The following ASB13 variants were observed in gnomAD, a reference collection of about 807,000 sequenced individuals.
ASB13 encodes the protein ankyrin repeat and SOCS box containing 13, also known as ankyrin repeat and SOCS box protein 13.
ASB13 carries 33 observed loss-of-function variants against 28.8 expected under a neutral mutation model. The observed-to-expected ratio is 1.15, with a 90% CI of 0.87 to 1.53. The LOEUF is 1.53. Ranked by LOEUF, ASB13 falls within the 40% of genes most tolerant of loss-of-function variation. The pLI is 0.00. For synonymous variants in ASB13, 182 were observed against 172.9 expected (o/e 1.05, Z -0.41); for missense variants, 414 against 390.1 (o/e 1.06, Z -0.52).
chr10:5,648,163 T>TAAACACC (rs1834915980), intron 4 of ASB13, among the ~76,000 whole-genome samples: 1 of 148,868 alleles, frequency 6.7e-6, no homozygotes, highest in Non-Finnish European at 1.5e-5. Flanking sequence ...GGGTAAACAC[T>TAAACACC]CACGGGGGTA....
chr10:5,662,919 G>A (rs541133754), intron 1 of ASB13, among the ~76,000 whole-genome samples: 2 of 152,224 alleles, frequency 1.3e-5, no homozygotes, highest in African/African-American at 4.8e-5. Flanking sequence ...CAGTTTTAGT[G>A]TCCTTGAAAC....
rs184820126 is a variant in ASB13 at position 5,656,287 on chromosome 10, C to T, written c.44-3237G>A. Among the ~76,000 whole-genome samples the T allele has an allele frequency of 3.8e-3, 573 of 152,324 alleles. 1 individual carries two copies. The highest frequency in any genetic ancestry group is 6.6e-3 in the Non-Finnish European group (448 of 68,026). ...GGTCAAGGTGGTTCAAGCCTGTAAT[C>T]CCAGCACTTTGGGAGGCCAAGGCGG... is the stretch of plus-strand genomic sequence containing the variant. On this transcript the variant is annotated intron_variant, in intron 1 of 5. Coordinates refer to ENST00000357700, the MANE Select transcript of ASB13 (RefSeq NM_024701.4). This position sits in a 1 kb window ranked among gnomAD's most constrained non-coding sequence, Gnocchi z 4.3.
rs376181226 is a variant in ASB13, at chr10:5,658,735, GA to G, written c.44-5686del. Among the ~76,000 whole-genome samples the G allele has an allele frequency of 0.015, 2,307 of 151,580 alleles. 46 individuals are homozygous for G. Among genetic ancestry groups the G allele is most frequent in the African/African-American group, 0.05 (2,082 of 41,310 alleles). ...GTGCTCTCTACTACAATTAAAAATA[GA>G]AAAAAAAAATTTTTAAGTAACCAGA... On this transcript the variant is annotated intron_variant, in intron 1 of 5. Transcript: ENST00000357700. This position sits in a 1 kb window ranked among gnomAD's most constrained non-coding sequence, Gnocchi z 4.2.
rs370404609 is a variant in ASB13, at chr10:5,642,001, G to T, written c.518-40C>A. 2.9e-4 allele frequency: 465 copies of T among 1,577,616 alleles called. No individual in the cohort carries two copies. The highest frequency in any genetic ancestry group is 3.8e-4 in the Non-Finnish European group (436 of 1,151,882). On this transcript the variant is annotated intron_variant, in intron 4 of 5. Coordinates refer to ENST00000357700, the MANE Select transcript of ASB13 (RefSeq NM_024701.4). The surrounding 1 kb of genome is among the most constrained non-coding windows in gnomAD (Gnocchi z 4.1). The stretch of plus-strand genomic sequence containing the variant: ...TGCAGAAGAGATTTCACCAAGAAGA[G>T]AACTTGAAGTCAGGGGGACAATCAG...
Position 5,658,977 on chromosome 10 carries a change from C to A in ASB13, c.44-5927G>T, listed in dbSNP as rs1390761266. ...CATCAGCCCCCAGCACCCACCACCA[C>A]AGAGCAATGTGACTCAGCCCTGCAA... On this transcript the variant is annotated intron_variant, in intron 1 of 5. Transcript: ENST00000357700. This position sits in a 1 kb window ranked among gnomAD's most constrained non-coding sequence, Gnocchi z 4.2. Among the ~76,000 whole-genome samples the A allele has an allele frequency of 6.6e-6, 1 of 152,210 alleles. No individual in the cohort carries two copies. The highest frequency in any genetic ancestry group is 1.5e-5 in the Non-Finnish European group (1 of 68,028).
At position 5,645,122 on chromosome 10, in the gene ASB13, G is replaced by T. The variant is rs533926464; in HGVS notation, c.518-3161C>A. Among the ~76,000 whole-genome samples, 3 of 152,126 alleles carry T rather than the reference G, an allele frequency of 2.0e-5. No homozygotes were observed. In the South Asian group the frequency reaches 6.2e-4, roughly 32 times the overall value. On this transcript the variant is annotated intron_variant, in intron 4 of 5. Coordinates refer to ENST00000357700, the MANE Select transcript of ASB13 (RefSeq NM_024701.4). This position sits in a 1 kb window ranked among gnomAD's most constrained non-coding sequence, Gnocchi z 5.4. ...AAAATAGGATTAAAGTGGATTCAGA[G>T]AACCCGTGGCCAGTGACGTGACGGG... is the stretch of plus-strand genomic sequence containing the variant.
At position 5,640,818 on chromosome 10, in the gene ASB13, G is replaced by C; in HGVS notation, c.722C>G (p.Thr241Ser). The C allele has an allele frequency of 2.5e-6, 4 of 1,614,116 alleles. No individual in the cohort carries two copies. The highest frequency in any genetic ancestry group is 1.1e-5 in the South Asian group (1 of 91,082). Residue 241 changes from threonine to serine, a missense_variant, in exon 6 of 6, where the codon ACT (threonine) becomes AGT (serine). By Grantham distance (58) the Thr-to-Ser change is moderately conservative. Coordinates refer to ENST00000357700, the MANE Select transcript of ASB13 (RefSeq NM_024701.4). ...GTTCACCCTGCAGAGCTGTGACAGA[G>C]TCAGAGGTGTCTCTGAAAAAGGGAG... The part of the protein sequence containing the change: ...CFEYYEKTPL[T>S]LSQLCRVNLR...
At chr10:5,648,376 A>T (rs1332334006) in intron 4 of ASB13, among the ~76,000 whole-genome samples, 1 of 115,708 alleles carries the variant, frequency 8.6e-6, no homozygotes, top group Non-Finnish European at 2.0e-5. Flanking sequence ...ACACCCATGC[A>T]GGCAAACACC....
intron 1 of ASB13, among the ~76,000 whole-genome samples, chr10:5,653,466 G>A (rs1207920317): frequency 6.6e-6 from 1 of 152,148 alleles, no homozygotes; most frequent in Non-Finnish European, 1.5e-5. Flanking sequence ...ACTTCTCTGG[G>A]AAACACTTCC....
rs1439685519 is a variant in ASB13 at position 5,661,003 on chromosome 10, G to C, written c.43+5506C>G. Reference sequence around the variant, plus strand: ...CCAGGATGTGAGTATTTAGACCAGGGAAAGCAGCAAAGCAGACTTTTATTT... The same window carrying C: ...CCAGGATGTGAGTATTTAGACCAGGCAAAGCAGCAAAGCAGACTTTTATTT... On this transcript the variant is annotated intron_variant, in intron 1 of 5. Coordinates refer to ENST00000357700, the MANE Select transcript of ASB13 (RefSeq NM_024701.4). This position sits in a 1 kb window ranked among gnomAD's most constrained non-coding sequence, Gnocchi z 4.9. Among the ~76,000 whole-genome samples, 1 of 152,216 alleles carries C rather than the reference G, an allele frequency of 6.6e-6. No individual in the cohort carries two copies. Among genetic ancestry groups the C allele is most frequent in the African/African-American group, 2.4e-5 (1 of 41,456 alleles).
rs1033689377 is a variant in ASB13 at position 5,658,451 on chromosome 10, C to A, written c.44-5401G>T. ...AAAAAAAAAAACAAAACCAAATAAG[C>A]CATTTCTGAAAAGCCAAATACTGTA... is the stretch of plus-strand genomic sequence containing the variant. On this transcript the variant is annotated intron_variant, in intron 1 of 5. Transcript: ENST00000357700. This position sits in a 1 kb window ranked among gnomAD's most constrained non-coding sequence, Gnocchi z 4.2. Among the ~76,000 whole-genome samples, 5 of 151,428 alleles carry A rather than the reference C, an allele frequency of 3.3e-5. No homozygotes were observed. In the East Asian group the frequency reaches 9.8e-4, roughly 30 times the overall value.
chr10:5,648,338 C>A lies in ASB13; in HGVS notation c.517+632G>T, dbSNP rs577727992. Among the ~76,000 whole-genome samples the A allele has an allele frequency of 4.2e-4, 56 of 131,810 alleles. 3 individuals carry two copies. Among genetic ancestry groups the A allele is most frequent in the African/African-American group, 1.4e-3 (55 of 39,464 alleles). 86.5% of individuals were successfully genotyped at this position (131,810 alleles called of 152,430 possible). A position where few individuals can be genotyped will look rare whatever the true frequency, so the allele number is the denominator to read the frequency against. ...AGGCAAACACCCCCTCGGGTAAACA[C>A]CCACGTGGGCAACACCCACGGGGGT... On this transcript the variant is annotated intron_variant, in intron 4 of 5. Coordinates refer to ENST00000357700, the MANE Select transcript of ASB13 (RefSeq NM_024701.4).
chr10:5,651,300 C>T lies in ASB13; in HGVS notation c.295G>A (p.Glu99Lys), dbSNP rs149846489. 4.0e-5 allele frequency: 65 copies of T among 1,613,838 alleles called. No homozygotes were observed. Among genetic ancestry groups the T allele is most frequent in the Non-Finnish European group, 4.9e-5 (58 of 1,179,968 alleles). Residue 99 changes from glutamate to lysine, a missense_variant, in exon 3 of 6, where the codon GAG (glutamate) becomes AAG (lysine). Physicochemically the swap from Glu to Lys is moderately conservative, Grantham distance 56. Transcript: ENST00000357700. The surrounding 1 kb of genome is among the most constrained non-coding windows in gnomAD (Gnocchi z 5.1). ...TAGGACAGCAAGAGCTTCACACACT[C>T]GATGCTGCCCGAGGCGCAGGCATCG... ...LCDACASGSI[E>K]CVKLLLSYGA...
chr10:5,661,312 C>T lies in ASB13; in HGVS notation c.43+5197G>A, dbSNP rs189300632. On this transcript the variant is annotated intron_variant, in intron 1 of 5. Coordinates refer to ENST00000357700, the MANE Select transcript of ASB13 (RefSeq NM_024701.4). The surrounding 1 kb of genome is among the most constrained non-coding windows in gnomAD (Gnocchi z 4.9). ...ACTGCAACCATAAAAGCAGCAGAGC[C>T]ACTTGCCCCCAACCCCGCCCCGCCG... Among the ~76,000 whole-genome samples, 1 of 152,272 alleles carries T rather than the reference C, an allele frequency of 6.6e-6. No homozygotes were observed. The highest frequency in any genetic ancestry group is 1.9e-4 in the East Asian group (1 of 5,162).
chr10:5,652,897 C>A lies in ASB13; in HGVS notation c.197G>T (p.Arg66Leu). 4 of 1,579,442 alleles carry A rather than the reference C, an allele frequency of 2.5e-6. No individual in the cohort carries two copies. In the South Asian group the frequency reaches 3.5e-5, roughly 14 times the overall value. ...LHAASLQGQA[R>L]CVQLLLAAGA... Reference sequence around the variant, plus strand: ...AGCCGCCAGCAGCAGCTGCACACACCGCGCCTGGCCCTGCAGACTGGCTGC... The same window carrying A: ...AGCCGCCAGCAGCAGCTGCACACACAGCGCCTGGCCCTGCAGACTGGCTGC... The change falls in exon 2 of 6, where the codon CGG (arginine) becomes CTG (leucine). Residue 66 changes from arginine (R) to leucine (L), a missense_variant. Coordinates refer to ENST00000357700, the MANE Select transcript of ASB13 (RefSeq NM_024701.4). This position sits in a 1 kb window ranked among gnomAD's most constrained non-coding sequence, Gnocchi z 5.0.
chr10:5,658,104 A>C lies in ASB13; in HGVS notation c.44-5054T>G, dbSNP rs1256576241. On this transcript the variant is annotated intron_variant, in intron 1 of 5. Coordinates refer to ENST00000357700, the MANE Select transcript of ASB13 (RefSeq NM_024701.4). This position sits in a 1 kb window ranked among gnomAD's most constrained non-coding sequence, Gnocchi z 4.2. ...ACCCAGGAGACAGAGGTTGCAGTGA[A>C]CTGAGATCACACCACTGCACTCCAG... is the stretch of plus-strand genomic sequence containing the variant. Among the ~76,000 whole-genome samples, 1 of 151,990 alleles carries C rather than the reference A, an allele frequency of 6.6e-6. No individual in the cohort carries two copies. The highest frequency in any genetic ancestry group is 2.4e-5 in the African/African-American group (1 of 41,370).
At position 5,658,442 on chromosome 10, in the gene ASB13, C is replaced by A. The variant is rs1227662660; in HGVS notation, c.44-5392G>T. ...TCTGAAAAAAAAAAAAAAAACAAAA[C>A]CAAATAAGCCATTTCTGAAAAGCCA... is the stretch of plus-strand genomic sequence containing the variant. On this transcript the variant is annotated intron_variant, in intron 1 of 5. Transcript: ENST00000357700. The surrounding 1 kb of genome is among the most constrained non-coding windows in gnomAD (Gnocchi z 4.2). Among the ~76,000 whole-genome samples, 4 of 149,672 alleles carry A rather than the reference C, an allele frequency of 2.7e-5. No individual in the cohort carries two copies. In the East Asian group the frequency reaches 7.9e-4, roughly 30 times the overall value.
chr10:5,662,720 C>A (rs1653724288), intron 1 of ASB13, among the ~76,000 whole-genome samples: 1 of 147,118 alleles, frequency 6.8e-6, no homozygotes, highest in South Asian at 2.2e-4. Flanking sequence ...AAACCACACA[C>A]AAGTGACGGT....
rs1262138938 is a variant in ASB13, at chr10:5,640,721, A to G, written c.819T>C (p.Asp273=). The G allele has an allele frequency of 2.5e-6, 4 of 1,614,124 alleles. No individual in the cohort carries two copies. Among genetic ancestry groups the G allele is most frequent in the Non-Finnish European group, 3.4e-6 (4 of 1,180,008 alleles). ...AKLNIPPRLI[D]YLSYN is the part of the protein sequence containing the mutation. ...CTGCAATTCAGTTGTAGGAGAGGTA[A>G]TCAATGAGCCGGGGCGGGATGTTTA... The change falls in exon 6 of 6, where the codon GAT becomes GAC. Residue 273 remains aspartate (D), a synonymous_variant. Coordinates refer to ENST00000357700, the MANE Select transcript of ASB13 (RefSeq NM_024701.4).
Sources: allele counts gnomAD v4.1 joint callset (sites outside exome capture counted in the v4.1 genomes callset), GRCh38; gene constraint gnomAD v4.1.1; non-coding constraint Gnocchi (gnomAD v3.1); transcripts MANE v1.5; gene names NCBI Gene and HGNC (gene_info 2026-07-23, HGNC 2026-07-21).